The following ADGRE3 variants were observed in gnomAD, a reference collection of about 807,000 sequenced individuals.
ADGRE3 encodes adhesion G protein-coupled receptor E3, also known as EGF-like module receptor 3.
In ADGRE3, 88 loss-of-function variants were observed where a neutral mutation model predicts 80.1. The observed-to-expected ratio is 1.10, with a 90% CI of 0.93 to 1.31. The LOEUF (loss-of-function observed/expected upper bound fraction) is 1.31. Among genes scored for constraint, ADGRE3 ranks in the 40% most tolerant of loss-of-function variants. The pLI is 0.00. For synonymous variants in ADGRE3, 281 were observed against 294.8 expected (o/e 0.95, Z 0.48); for missense variants, 715 against 776.5 (o/e 0.92, Z 0.94).
At chr19:14,612,287 G>C in the ADGRE3 span, among the ~76,000 whole-genome samples, 1 of 152,082 alleles carries the variant, frequency 6.6e-6, no homozygotes, top group Non-Finnish European at 1.5e-5. Context: ...TCTTCTCCCT[G>C]TGTCTTCACC....
chr19:14,610,111 C>T, the ADGRE3 span: 2 of 1,612,248 alleles, frequency 1.2e-6, no homozygotes, highest in South Asian at 1.1e-5. Flanking sequence ...GAGGACTGTG[C>T]TACCATGAAC....
At chr19:14,652,440 G>T (rs528043721) in intron 6 of ADGRE3, among the ~76,000 whole-genome samples, 1 of 151,102 alleles carries the variant, frequency 6.6e-6, no homozygotes, top group South Asian at 2.1e-4. Context: ...ATATTAAAAG[G>T]TTAAAAAAAA....
chr19:14,661,857 C>A, intron 4 of ADGRE3, 106 bp downstream of exon 4: 1 of 1,270,794 alleles, frequency 7.9e-7, no homozygotes. Context: ...TGCACTCCAG[C>A]CTGGGCTACA....
the ADGRE3 span, among the ~76,000 whole-genome samples, chr19:14,602,660 C>T: frequency 2.6e-5 from 4 of 151,926 alleles, no homozygotes; most frequent in African/African-American, 2.4e-5. Flanking sequence ...GGTCTATCAT[C>T]TTATTATTTT....
intron 6 of ADGRE3, among the ~76,000 whole-genome samples, chr19:14,653,970 T>G (rs1449838257): frequency 1.3e-5 from 2 of 151,036 alleles, no homozygotes; most frequent in Non-Finnish European, 3.0e-5. Flanking sequence ...TTTTTTAATT[T>G]AAGATGGAGT....
intron 13 of ADGRE3, among the ~76,000 whole-genome samples, chr19:14,632,471 G>T (rs1003634741): frequency 6.6e-6 from 1 of 152,118 alleles, no homozygotes; most frequent in Non-Finnish European, 1.5e-5. Flanking sequence ...TTGCAGCTGG[G>T]TGTTATCATG....
At chr19:14,662,172 G>T (rs8111916) in intron 3 of ADGRE3, 54 bp from the exon 4 acceptor site, 469,100 of 1,570,394 alleles carry the variant, frequency 0.3, 71,274 homozygotes, top group Middle Eastern at 0.43. Flanking sequence ...TTATTGAGCA[G>T]CTACTATGTG....
At chr19:14,654,835 T>G in intron 6 of ADGRE3, 147 bp downstream of exon 6, 1 of 600,010 alleles carries the variant, frequency 1.7e-6, no homozygotes, top group South Asian at 2.5e-5. Flanking sequence ...TCTAGATAAG[T>G]TTGCGTTTTC....
chr19:14,601,835 C>T, the ADGRE3 span, among the ~76,000 whole-genome samples: 1 of 152,078 alleles, frequency 6.6e-6, no homozygotes, highest in African/African-American at 2.4e-5. Flanking sequence ...CTCTGTCACC[C>T]AGGCTGGAGT....
chr19:14,616,792 A>AT (rs34403316), downstream of ADGRE3, among the ~76,000 whole-genome samples: 789 of 127,488 alleles, frequency 6.2e-3, 10 homozygotes, highest in African/African-American at 0.021. Context: ...TTTTTCTAGA[A>AT]TTTTTTTTTT....
the ADGRE3 span, chr19:14,610,264 G>A: frequency 7.8e-6 from 12 of 1,533,268 alleles, no homozygotes; most frequent in East Asian, 7.3e-5. Flanking sequence ...CTGCCCTTTC[G>A]TGGACGGCCT....
Position 14,654,991 on chromosome 19 carries a change from C to A in ADGRE3, c.568G>T (p.Asp190Tyr), listed in dbSNP as rs773754562. ...PEQKVLKIQN[D>Y]SVAIETQAIT... ...CTCATTATTGTCTTACCTACACTAT[C>A]GTTTTGGATTTTCAGGACTTTTTGT... is the stretch of plus-strand genomic sequence containing the variant. The change falls in exon 6 of 16, where the codon GAT becomes TAT. Residue 190 changes from aspartate to tyrosine, a missense_variant. Physicochemically the swap from Asp to Tyr is radical, Grantham distance 160. Coordinates refer to ENST00000253673, the MANE Select transcript of ADGRE3 (RefSeq NM_032571.5). 2 of 1,613,712 alleles carry A rather than the reference C, an allele frequency of 1.2e-6. No individual in the cohort carries two copies. Among genetic ancestry groups the A allele is most frequent in the Non-Finnish European group, 1.7e-6 (2 of 1,179,786 alleles).
At chr19:14,669,993 A>C (rs1599657379) in intron 1 of ADGRE3, among the ~76,000 whole-genome samples, 1 of 152,296 alleles carries the variant, frequency 6.6e-6, no homozygotes. Flanking sequence ...TGATGGGTAC[A>C]TCAGAAACCC....
At chr19:14,601,192 C>A in the ADGRE3 span, among the ~76,000 whole-genome samples, 8 of 152,200 alleles carry the variant, frequency 5.3e-5, no homozygotes, top group African/African-American at 1.7e-4. Flanking sequence ...TGTGAGCCAC[C>A]ACGCTGGGCT....
intron 11 of ADGRE3, among the ~76,000 whole-genome samples, chr19:14,635,661 C>T (rs909766982): frequency 2.6e-5 from 4 of 152,076 alleles, no homozygotes; most frequent in Admixed American, 6.6e-5. Flanking sequence ...CATCCACCCG[C>T]CTCAGCCTCC....
Position 14,659,822 on chromosome 19 carries a change from G to GAAAAAAAAAAA in ADGRE3, c.356-1283_356-1273dup, listed in dbSNP as rs66908687. On this transcript the variant is annotated intron_variant, in intron 4 of 15. Transcript: ENST00000253673. ...GGAGACAGAGCGAGACTCTGCCTCT[G>GAAAAAAAAAAA]AAAAAAAAAAAAAAAAAAAAAAAAA... is the stretch of plus-strand genomic sequence containing the variant. Among the ~76,000 whole-genome samples, 295 of 44,798 alleles carry GAAAAAAAAAAA rather than the reference G, an allele frequency of 6.6e-3. 67 individuals are homozygous for GAAAAAAAAAAA. Among genetic ancestry groups the GAAAAAAAAAAA allele is most frequent in the East Asian group, 0.011 (13 of 1,194 alleles). 29.4% of individuals were successfully genotyped at this position (44,798 alleles called of 152,430 possible). A position where few individuals can be genotyped will look rare whatever the true frequency, so the allele number is the denominator to read the frequency against.
intron 11 of ADGRE3, among the ~76,000 whole-genome samples, chr19:14,637,039 A>G (rs915806392): frequency 1.3e-5 from 2 of 152,174 alleles, no homozygotes; most frequent in African/African-American, 4.8e-5. Flanking sequence ...GGTTGCAGTG[A>G]GCCAAGACCG....
intron 14 of ADGRE3, among the ~76,000 whole-genome samples, chr19:14,627,579 A>C (rs1349733227): frequency 6.6e-6 from 1 of 151,672 alleles, no homozygotes; most frequent in Non-Finnish European, 1.5e-5. Flanking sequence ...GGCTTTCACC[A>C]TGTTGGCCAG....
intron 4 of ADGRE3, among the ~76,000 whole-genome samples, chr19:14,660,964 C>CA (rs1186440867): frequency 2.1e-5 from 2 of 96,360 alleles, no homozygotes; most frequent in East Asian, 3.6e-4. Flanking sequence ...TTTTTTGAGA[C>CA]AGAGTTTCAC....
Sources: allele counts gnomAD v4.1 joint callset (sites outside exome capture counted in the v4.1 genomes callset), GRCh38; gene constraint gnomAD v4.1.1; transcripts MANE v1.5; gene names NCBI Gene and HGNC (gene_info 2026-07-23, HGNC 2026-07-21).